MARCHF1: variants seen among roughly 807,000 people sequenced by gnomAD.
MARCHF1 encodes membrane associated ring-CH-type finger 1, also known as E3 ubiquitin-protein ligase MARCHF1.
MARCHF1 carries 40 observed loss-of-function variants against 54.2 expected under a neutral mutation model. The observed-to-expected ratio is 0.74, with a 90% confidence interval of 0.57 to 0.96. The LOEUF (loss-of-function observed/expected upper bound fraction) is 0.96, where lower values mean the gene tolerates loss of function less well. Ranked by LOEUF, MARCHF1 falls within the 40% of genes least tolerant of loss-of-function variation. MARCHF1 has a pLI of 0.00. For synonymous variants in MARCHF1, 236 were observed against 236.3 expected, an observed-to-expected ratio of 1.00 and a Z score of 0.01; for missense variants, 586 against 656.5, an observed-to-expected ratio of 0.89 and a Z score of 1.17.
intron 2 of MARCHF1, among the ~76,000 whole-genome samples, chr4:164,048,553 A>G (rs1754288940): frequency 6.6e-6 from 1 of 152,170 alleles, no homozygotes; most frequent in African/African-American, 2.4e-5. Context: ...GCAATTGGGA[A>G]TTACTATATT....
rs116071622 is a variant in MARCHF1, at chr4:163,782,964, A to C, written c.111+71057T>G. Among the ~76,000 whole-genome samples the C allele has an allele frequency of 7.2e-3, 1,095 of 152,320 alleles. 7 individuals carry two copies. Among genetic ancestry groups the C allele is most frequent in the South Asian group, 0.03 (147 of 4,830 alleles). ...TAGAAGAACTGTGACAGAATGGAGA[A>C]CTAGATTAAGACAATTGTATAAGGG... On this transcript the variant is annotated intron_variant, in intron 4 of 9. Coordinates refer to ENST00000514618, the MANE Select transcript of MARCHF1 (RefSeq NM_001394959.1).
At chr4:163,960,304 G>C (rs1752320813) in intron 3 of MARCHF1, among the ~76,000 whole-genome samples, 1 of 151,780 alleles carries the variant, frequency 6.6e-6, no homozygotes, top group Admixed American at 6.6e-5. Flanking sequence ...CCTGTTACTG[G>C]GTATATAACC....
At chr4:163,958,674 A>AT (rs968495693) in intron 3 of MARCHF1, among the ~76,000 whole-genome samples, 33 of 151,342 alleles carry the variant, frequency 2.2e-4, no homozygotes, top group Non-Finnish European at 3.0e-4. Flanking sequence ...TTCTTACTTG[A>AT]TTTTTTTTTA....
At chr4:163,868,172 T>C (rs1351586484) in intron 3 of MARCHF1, among the ~76,000 whole-genome samples, 1 of 151,812 alleles carries the variant, frequency 6.6e-6, no homozygotes, top group Non-Finnish European at 1.5e-5. Flanking sequence ...ATCATAGCAC[T>C]CAATAATGTT....
At chr4:163,613,436 A>G (rs1741415279) in intron 5 of MARCHF1, 43 bp from the exon 6 acceptor site, 1 of 1,613,064 alleles carries the variant, frequency 6.2e-7, no homozygotes, top group African/African-American at 1.3e-5. Flanking sequence ...GGTTAAGGTA[A>G]TACATGGTTG....
intron 4 of MARCHF1, among the ~76,000 whole-genome samples, chr4:163,762,723 G>T (rs919256545): frequency 2.6e-5 from 4 of 151,964 alleles, no homozygotes; most frequent in Non-Finnish European, 5.9e-5. Flanking sequence ...TGATGCATTT[G>T]CTGAGCATAT....
At chr4:163,627,924 A>G (rs975471391) in intron 5 of MARCHF1, among the ~76,000 whole-genome samples, 1 of 152,160 alleles carries the variant, frequency 6.6e-6, no homozygotes, top group Non-Finnish European at 1.5e-5. Context: ...CAGATGTTAA[A>G]AATTTACTTG....
chr4:163,753,083 TAATAAAATAACAA>T (rs147522314), intron 4 of MARCHF1, among the ~76,000 whole-genome samples: 5,702 of 152,160 alleles, frequency 0.037, 155 homozygotes, highest in East Asian at 0.076. Context: ...ACTCGTTATT[TAATAAAATAACAA>T]AATAAAATAA....
intron 1 of MARCHF1, among the ~76,000 whole-genome samples, chr4:164,221,003 G>T (rs1732096240): frequency 6.6e-6 from 1 of 151,700 alleles, no homozygotes; most frequent in South Asian, 2.1e-4. Flanking sequence ...TGAAAAACGT[G>T]GAAAACAAAG....
chr4:163,756,976 G>C (rs964971704), intron 4 of MARCHF1, among the ~76,000 whole-genome samples: 1 of 152,130 alleles, frequency 6.6e-6, no homozygotes, highest in African/African-American at 2.4e-5. Flanking sequence ...ATACACAAGA[G>C]GATGGAGAAG....
At position 163,525,083 on chromosome 4, in the gene MARCHF1, TATA is replaced by T. The variant is rs1386840126; in HGVS notation, c.*3662_*3664del. The T allele has an allele frequency of 6.6e-6, 1 of 152,242 alleles. No homozygotes were observed. The highest frequency in any genetic ancestry group is 1.9e-4 in the East Asian group (1 of 5,174). The allele number at this position is 152,242 out of a possible 1,614,324, so 9.4% of individuals were successfully genotyped here. On this transcript the variant is annotated 3_prime_UTR_variant, in exon 10 of 10. Coordinates refer to ENST00000514618, the MANE Select transcript of MARCHF1 (RefSeq NM_001394959.1). ...CTTAATTAAAGTATTATATAACAAC[TATA>T]ATAATAATGATACTAATAACTTTTA...
At chr4:163,544,370 G>C (rs1738822225) in intron 9 of MARCHF1, among the ~76,000 whole-genome samples, 1 of 152,148 alleles carries the variant, frequency 6.6e-6, no homozygotes, top group African/African-American at 2.4e-5. Flanking sequence ...CATCCTAACT[G>C]TTTTTCTAGC....
chr4:163,677,685 C>T (rs1031905317), intron 5 of MARCHF1, among the ~76,000 whole-genome samples: 2 of 152,158 alleles, frequency 1.3e-5, no homozygotes, highest in African/African-American at 4.8e-5. Flanking sequence ...TTGTTTATAT[C>T]TCTACTCATC....
intron 1 of MARCHF1, among the ~76,000 whole-genome samples, chr4:164,118,230 C>T (rs1265237793): frequency 6.6e-6 from 1 of 151,554 alleles, no homozygotes; most frequent in Non-Finnish European, 1.5e-5. Flanking sequence ...TTAACTTGTA[C>T]TTTGGAAAAC....
In MARCHF1 at chr4:163,612,732, C is replaced by A; in HGVS notation, c.549G>T (p.Leu183=). 2.0e-6 allele frequency: 3 copies of A among 1,535,532 alleles called. No homozygotes were observed. Among genetic ancestry groups the A allele is most frequent in the Non-Finnish European group, 2.6e-6 (3 of 1,146,526 alleles). ...AKRRAQVKFR[L]SRRRRRNNNK... ...TATTATTTCTCCTCCTTCTTCTTGA[C>A]AGTCTGAATTTAACCTGGGCTCTTC... The change falls in exon 7 of 10, where the codon CTG becomes CTT. Residue 183 remains leucine, a synonymous_variant. Transcript: ENST00000514618.
chr4:164,249,646 A>T (rs1346439856), intron 1 of MARCHF1, among the ~76,000 whole-genome samples: 1 of 151,964 alleles, frequency 6.6e-6, no homozygotes, highest in Non-Finnish European at 1.5e-5. Flanking sequence ...TTTTTCTACC[A>T]ATCTATAAGA....
At chr4:164,254,089 C>A (rs1281182750) in intron 1 of MARCHF1, among the ~76,000 whole-genome samples, 1 of 151,996 alleles carries the variant, frequency 6.6e-6, no homozygotes, top group Non-Finnish European at 1.5e-5. Context: ...CAGTGTTGAT[C>A]ATACAAGTCT....
intron 4 of MARCHF1, among the ~76,000 whole-genome samples, chr4:163,772,963 T>A (rs1338272201): frequency 6.6e-6 from 1 of 152,186 alleles, no homozygotes; most frequent in Non-Finnish European, 1.5e-5. Context: ...AATTTATAAA[T>A]CTGGCTGTGG....
chr4:164,230,529 T>C (rs574660329), intron 1 of MARCHF1, among the ~76,000 whole-genome samples: 178 of 24,178 alleles, frequency 7.4e-3, no homozygotes, highest in Middle Eastern at 0.021. Flanking sequence ...TTACCTTTTC[T>C]TTGTGTTGAG....
Sources: gnomAD v4.1 joint callset for allele counts (sites outside exome capture counted in the v4.1 genomes callset) on GRCh38, gnomAD v4.1.1 for gene constraint, MANE v1.5 for transcripts, NCBI Gene and HGNC (gene_info 2026-07-23, HGNC 2026-07-21) for gene names.